Variants in PLEKHM3 observed in about 807,000 individuals in gnomAD.
PLEKHM3 encodes pleckstrin homology domain containing M3.
In PLEKHM3, 45 loss-of-function variants were observed where a neutral mutation model predicts 81.8. That is an observed-to-expected ratio of 0.55 (90% CI 0.43 to 0.71). The LOEUF (loss-of-function observed/expected upper bound fraction) is 0.71. PLEKHM3 is among the 30% of genes least tolerant of loss of function. PLEKHM3 has a pLI of 0.00. For missense variants in PLEKHM3, 788 were observed against 924.3 expected (o/e 0.85, Z 1.91); for synonymous variants, 352 against 356.4 (o/e 0.99, Z 0.14).
intron 5 of PLEKHM3, among the ~76,000 whole-genome samples, chr2:207,912,531 C>A (rs766078969): frequency 6.6e-6 from 1 of 152,112 alleles, no homozygotes; most frequent in Non-Finnish European, 1.5e-5. Flanking sequence ...GATGTTGTGT[C>A]CAAGAGATTT....
intron 1 of PLEKHM3, among the ~76,000 whole-genome samples, chr2:208,011,180 C>T (rs910183850): frequency 2.0e-5 from 3 of 151,838 alleles, no homozygotes; most frequent in African/African-American, 4.8e-5. Flanking sequence ...AATAGTGTGG[C>T]GATTCCTTTA....
chr2:207,996,609 A>G (rs962367442), intron 2 of PLEKHM3, among the ~76,000 whole-genome samples: 1 of 152,238 alleles, frequency 6.6e-6, no homozygotes, highest in Non-Finnish European at 1.5e-5. Context: ...AATCGCTTCC[A>G]TCAGTGACTA....
intron 7 of PLEKHM3, among the ~76,000 whole-genome samples, chr2:207,830,232 T>C (rs2092277704): frequency 6.6e-6 from 1 of 152,130 alleles, no homozygotes; most frequent in Non-Finnish European, 1.5e-5. Context: ...TGCTATGAAC[T>C]GAACTGTGTC....
chr2:207,855,444 C>T (rs2092432879), intron 7 of PLEKHM3, among the ~76,000 whole-genome samples: 1 of 152,150 alleles, frequency 6.6e-6, no homozygotes, highest in African/African-American at 2.4e-5. Flanking sequence ...ACAGATCTCC[C>T]ATGTGGAAGG....
At chr2:207,869,305 G>A (rs1399854350) in intron 6 of PLEKHM3, among the ~76,000 whole-genome samples, 1 of 152,134 alleles carries the variant, frequency 6.6e-6, no homozygotes, top group Non-Finnish European at 1.5e-5. Context: ...ATGTCTACGT[G>A]AACAAAATCA....
rs1491144430 is a variant in PLEKHM3, at chr2:208,011,786, T to TA, written c.-318-9830_-318-9829insT. Among the ~76,000 whole-genome samples, 423 of 71,118 alleles carry TA rather than the reference T, an allele frequency of 5.9e-3. 3 individuals carry two copies. The highest frequency in any genetic ancestry group is 7.5e-3 in the Non-Finnish European group (311 of 41,708). The allele number at this position is 71,118 out of a possible 152,430, so 46.7% of individuals were successfully genotyped here. A position where few individuals can be genotyped will look rare whatever the true frequency, so the allele number is the denominator to read the frequency against. ...AAAATTTTTAAGTGCTCTGATAAAC[T>TA]TTTTTTTTTTTTTTTTTTTTTTTTT... On this transcript the variant is annotated intron_variant, in intron 1 of 7. Coordinates refer to ENST00000427836, the MANE Select transcript of PLEKHM3 (RefSeq NM_001080475.3).
intron 1 of PLEKHM3, among the ~76,000 whole-genome samples, chr2:208,005,441 AG>A (rs1191933721): frequency 1.3e-5 from 2 of 152,082 alleles, no homozygotes. Context: ...GACAGTTTTG[AG>A]GAGTAATAGT....
chr2:207,882,783 T>C (rs1213601828), intron 6 of PLEKHM3, among the ~76,000 whole-genome samples: 2 of 152,206 alleles, frequency 1.3e-5, no homozygotes, highest in African/African-American at 4.8e-5. Flanking sequence ...AGCTCAGTCA[T>C]ACTGAACTAC....
intron 2 of PLEKHM3, among the ~76,000 whole-genome samples, chr2:207,995,256 A>G (rs1479236325): frequency 1.3e-5 from 2 of 152,192 alleles, no homozygotes; most frequent in Non-Finnish European, 2.9e-5. Context: ...GCTTAGCTGG[A>G]TTGCTTTGGC....
At chr2:207,904,257 A>G (rs1688533750) in intron 6 of PLEKHM3, among the ~76,000 whole-genome samples, 1 of 152,164 alleles carries the variant, frequency 6.6e-6, no homozygotes, top group African/African-American at 2.4e-5. Context: ...ATGTTTTTCT[A>G]ACAATATCTA....
At chr2:207,952,514 A>G (rs1690362408) in intron 3 of PLEKHM3, among the ~76,000 whole-genome samples, 1 of 152,244 alleles carries the variant, frequency 6.6e-6, no homozygotes, top group South Asian at 2.1e-4. Flanking sequence ...TATAGTCTCT[A>G]ACCATTGGCT....
intron 5 of PLEKHM3, among the ~76,000 whole-genome samples, chr2:207,919,953 G>GACAC (rs112862427): frequency 1.3e-5 from 2 of 151,566 alleles, no homozygotes; most frequent in Non-Finnish European, 2.9e-5. Flanking sequence ...TGTCAGGACA[G>GACAC]ACACACACAC....
intron 6 of PLEKHM3, among the ~76,000 whole-genome samples, chr2:207,882,836 T>A (rs74935778): frequency 0.042 from 6,383 of 152,002 alleles, 424 homozygotes; most frequent in African/African-American, 0.14. Flanking sequence ...GTTTTTTTTT[T>A]AATTTTTTTT....
intron 7 of PLEKHM3, among the ~76,000 whole-genome samples, chr2:207,829,804 G>A (rs1385957964): frequency 6.6e-6 from 1 of 152,114 alleles, no homozygotes; most frequent in Non-Finnish European, 1.5e-5. Context: ...AACCAGTCCC[G>A]AGGGCTCAGC....
At chr2:207,884,146 C>A (rs576187512) in intron 6 of PLEKHM3, among the ~76,000 whole-genome samples, 5 of 150,524 alleles carry the variant, frequency 3.3e-5, no homozygotes, top group African/African-American at 9.8e-5. Context: ...CCCCCACCCC[C>A]CAAAAAAAAC....
chr2:207,946,212 G>A (rs2105968387), intron 4 of PLEKHM3, among the ~76,000 whole-genome samples, 155 bp downstream of exon 4: 1 of 152,284 alleles, frequency 6.6e-6, no homozygotes, highest in African/African-American at 2.4e-5. Flanking sequence ...TCAACTGTGA[G>A]ATATATAAGA....
At chr2:207,918,455 G>A (rs1259469587) in intron 5 of PLEKHM3, among the ~76,000 whole-genome samples, 2 of 152,176 alleles carry the variant, frequency 1.3e-5, no homozygotes, top group African/African-American at 2.4e-5. Context: ...CTGGGAGGCG[G>A]AGCTTGCAGT....
intron 3 of PLEKHM3, among the ~76,000 whole-genome samples, chr2:207,949,575 GA>G (rs1437039984): frequency 6.6e-6 from 1 of 152,116 alleles, no homozygotes; most frequent in African/African-American, 2.4e-5. Flanking sequence ...AAGAAAGAAT[GA>G]ACTGTGGAAC....
chr2:207,898,156 T>C (rs919960531), intron 6 of PLEKHM3, among the ~76,000 whole-genome samples: 2 of 152,224 alleles, frequency 1.3e-5, no homozygotes, highest in Non-Finnish European at 2.9e-5. Context: ...AAAGCAGGCA[T>C]TCTCTATTAT....
Sources: gnomAD v4.1 joint callset for allele counts (sites outside exome capture counted in the v4.1 genomes callset) on GRCh38, gnomAD v4.1.1 for gene constraint, MANE v1.5 for transcripts, NCBI Gene and HGNC (gene_info 2026-07-23, HGNC 2026-07-21) for gene names.